The following TNFSF4 variants were observed in gnomAD, a reference collection of about 807,000 sequenced individuals.
The protein encoded by TNFSF4 is TNF superfamily member 4.
In TNFSF4, 4 loss-of-function variants were observed where a neutral mutation model predicts 7.3. That is an observed-to-expected ratio of 0.55 (90% CI 0.27 to 1.25). The LOEUF is 1.25. Ranked by LOEUF, TNFSF4 falls within the 50% of genes most tolerant of loss-of-function variation. TNFSF4 has a pLI of 0.12. For synonymous variants in TNFSF4, 76 were observed against 83.7 expected, an observed-to-expected ratio of 0.91 and a Z score of 0.50; for missense variants, 181 against 208.8, an observed-to-expected ratio of 0.87 and a Z score of 0.82.
At chr1:173,395,377 A>ATTAT in the TNFSF4 span, among the ~76,000 whole-genome samples, 1 of 63,240 alleles carries the variant, frequency 1.6e-5, no homozygotes. Flanking sequence ...CTGTGTATAT[A>ATTAT]ATATATATAT....
downstream of TNFSF4, among the ~76,000 whole-genome samples, chr1:173,180,136 T>G (rs938702400): frequency 1.3e-5 from 2 of 152,236 alleles, no homozygotes; most frequent in African/African-American, 4.8e-5. Flanking sequence ...TACTTTTGAA[T>G]GAATGAACAA....
At chr1:173,391,963 G>T in the TNFSF4 span, among the ~76,000 whole-genome samples, 1 of 152,128 alleles carries the variant, frequency 6.6e-6, no homozygotes, top group Non-Finnish European at 1.5e-5. Flanking sequence ...TACCCAAATG[G>T]ACCTGCAAGC....
At chr1:173,360,022 T>G in the TNFSF4 span, among the ~76,000 whole-genome samples, 23 of 152,366 alleles carry the variant, frequency 1.5e-4, no homozygotes, top group Admixed American at 1.1e-3. Context: ...TCAATATCTA[T>G]TATCATATTG....
At chr1:173,173,269 C>T in the TNFSF4 span, among the ~76,000 whole-genome samples, 610 of 152,270 alleles carry the variant, frequency 4.0e-3, 5 homozygotes, top group African/African-American at 0.014. Flanking sequence ...CAACAGTTCC[C>T]CAAAGTCTTA....
the TNFSF4 span, among the ~76,000 whole-genome samples, chr1:173,434,241 T>A: frequency 1.3e-5 from 2 of 152,256 alleles, no homozygotes; most frequent in African/African-American, 4.8e-5. Flanking sequence ...TTACCTTCCC[T>A]TATATTTTCT....
the TNFSF4 span, among the ~76,000 whole-genome samples, chr1:173,276,635 G>A: frequency 5.3e-5 from 8 of 152,138 alleles, no homozygotes; most frequent in Non-Finnish European, 8.8e-5. Flanking sequence ...ATTAATTTAC[G>A]AGCTCAACTT....
At chr1:173,220,707 C>A in the TNFSF4 span, among the ~76,000 whole-genome samples, 3 of 152,128 alleles carry the variant, frequency 2.0e-5, no homozygotes, top group Non-Finnish European at 4.4e-5. Context: ...AGGTGGCTAT[C>A]TACAAATCTG....
chr1:173,192,830 G>T (rs1649540524), intron 1 of TNFSF4, among the ~76,000 whole-genome samples: 1 of 152,196 alleles, frequency 6.6e-6, no homozygotes, highest in Admixed American at 6.5e-5. Context: ...GTAAAATGGA[G>T]ATAGTAAAAA....
upstream of TNFSF4, among the ~76,000 whole-genome samples, chr1:173,208,785 A>G (rs1184453842): frequency 6.6e-6 from 1 of 152,158 alleles, no homozygotes; most frequent in Non-Finnish European, 1.5e-5. Context: ...AGTTCTTCAT[A>G]AAAGAGTATT....
the TNFSF4 span, among the ~76,000 whole-genome samples, chr1:173,247,622 T>C: frequency 2.0e-4 from 31 of 152,262 alleles, no homozygotes; most frequent in Non-Finnish European, 3.4e-4. Flanking sequence ...CAGTTTGGCA[T>C]TTTTTATTTT....
chr1:173,199,212 G>A (rs1316518434), intron 1 of TNFSF4, among the ~76,000 whole-genome samples: 4 of 152,196 alleles, frequency 2.6e-5, no homozygotes, highest in Non-Finnish European at 5.9e-5. Context: ...TGTGTCCTCA[G>A]TGCCTGACAG....
the TNFSF4 span, among the ~76,000 whole-genome samples, chr1:173,334,027 G>A: frequency 6.6e-6 from 1 of 151,946 alleles, no homozygotes; most frequent in Non-Finnish European, 1.5e-5. Context: ...AATCATGTGA[G>A]CAAAATTTCT....
chr1:173,241,786 G>C, the TNFSF4 span, among the ~76,000 whole-genome samples: 2 of 152,202 alleles, frequency 1.3e-5, no homozygotes, highest in Admixed American at 1.3e-4. Context: ...TTTCCTGTGG[G>C]AGGATGTGAT....
chr1:173,345,797 C>CA, the TNFSF4 span, among the ~76,000 whole-genome samples: 9 of 152,326 alleles, frequency 5.9e-5, no homozygotes, highest in African/African-American at 2.2e-4. Flanking sequence ...AGAGACCCAA[C>CA]TGAAGTGAAA....
At chr1:173,443,604 A>T in the TNFSF4 span, among the ~76,000 whole-genome samples, 4 of 152,224 alleles carry the variant, frequency 2.6e-5, no homozygotes, top group African/African-American at 9.6e-5. Context: ...ATAGACACAT[A>T]TTTATACACA....
the TNFSF4 span, among the ~76,000 whole-genome samples, chr1:173,265,884 C>A: frequency 6.6e-6 from 1 of 152,110 alleles, no homozygotes; most frequent in East Asian, 1.9e-4. Flanking sequence ...ATATTGTATC[C>A]TCCCTATTGC....
the TNFSF4 span, among the ~76,000 whole-genome samples, chr1:173,404,970 T>G: frequency 6.6e-6 from 1 of 152,104 alleles, no homozygotes; most frequent in Non-Finnish European, 1.5e-5. Flanking sequence ...CTTCCTTCTT[T>G]CCCCAAAACC....
the TNFSF4 span, among the ~76,000 whole-genome samples, chr1:173,229,885 A>C: frequency 6.6e-6 from 1 of 152,240 alleles, no homozygotes; most frequent in South Asian, 2.1e-4. Flanking sequence ...AGAGCTAACT[A>C]TCTTAAATAT....
the TNFSF4 span, among the ~76,000 whole-genome samples, chr1:173,347,469 C>G: frequency 2.0e-5 from 3 of 152,182 alleles, no homozygotes; most frequent in East Asian, 5.8e-4. Flanking sequence ...GGGAATGAGA[C>G]AGTCTTTCCC....
Sources: gnomAD v4.1 joint callset for allele counts (sites outside exome capture counted in the v4.1 genomes callset) on GRCh38, gnomAD v4.1.1 for gene constraint, MANE v1.5 for transcripts, NCBI Gene and HGNC (gene_info 2026-07-23, HGNC 2026-07-21) for gene names.